SPATA6L: variants seen among roughly 807,000 people sequenced by gnomAD.
SPATA6L encodes spermatogenesis associated 6-like protein.
In SPATA6L, 68 loss-of-function variants were observed where a neutral mutation model predicts 49.2. That is an observed-to-expected ratio of 1.38 (90% CI 1.14 to 1.69). The LOEUF is 1.69. Among genes scored for constraint, SPATA6L ranks in the 40% most tolerant of loss-of-function variants. The pLI, the probability that SPATA6L is intolerant of heterozygous loss-of-function variation, is 0.00. For missense variants in SPATA6L, 668 were observed against 464.3 expected, an observed-to-expected ratio of 1.44 and a Z score of -4.03; for synonymous variants, 198 against 165.7, an observed-to-expected ratio of 1.19 and a Z score of -1.50.
At chr9:4,652,909 T>A (rs1185733999) in intron 3 of SPATA6L, among the ~76,000 whole-genome samples, 2 of 151,862 alleles carry the variant, frequency 1.3e-5, no homozygotes, top group Non-Finnish European at 2.9e-5. Flanking sequence ...CATCCCACAT[T>A]CATGTTTCAA....
chr9:4,610,727 A>G (rs1395167482), intron 9 of SPATA6L, among the ~76,000 whole-genome samples: 1 of 151,708 alleles, frequency 6.6e-6, no homozygotes, highest in East Asian at 1.9e-4. Flanking sequence ...CATTCAGGAC[A>G]TAGGCATGGG....
At chr9:4,611,840 T>G (rs1229413329) in intron 9 of SPATA6L, among the ~76,000 whole-genome samples, 2 of 152,116 alleles carry the variant, frequency 1.3e-5, no homozygotes, top group Admixed American at 6.5e-5. Context: ...AATTTTAATA[T>G]AAAATTTAAT....
chr9:4,628,487 C>T (rs1830774538), intron 5 of SPATA6L: 1 of 152,078 alleles, frequency 6.6e-6, no homozygotes, highest in African/African-American at 2.4e-5. Context: ...ACTCTTGTCA[C>T]CCAGGCTGGA....
chr9:4,629,168 C>A lies in SPATA6L; in HGVS notation c.352G>T (p.Gly118Cys). ...GAAAACTCTATTTTGGGAGCAATGC[C>A]CTATAAAACAGCATAAAAAAAGCAA... is the stretch of plus-strand genomic sequence containing the variant. ...VLMKTALGFP[G>C]IAPKIEFSTR... Residue 118 changes from glycine (G) to cysteine (C), a missense_variant and splice_region_variant, in exon 5 of 12, where the codon GGC becomes TGC. Physicochemically the swap from Gly to Cys is radical, Grantham distance 159. Coordinates refer to ENST00000682582, the MANE Select transcript of SPATA6L (RefSeq NM_001353486.2). 8.4e-6 allele frequency: 13 copies of A among 1,553,158 alleles called. No individual in the cohort carries two copies. Among genetic ancestry groups the A allele is most frequent in the Non-Finnish European group, 1.1e-5 (13 of 1,156,088 alleles).
Position 4,662,245 on chromosome 9 carries a change from G to A in SPATA6L, c.40-209C>T. 1 of 1,434,392 alleles carries A rather than the reference G, an allele frequency of 7.0e-7. No homozygotes were observed. Among genetic ancestry groups the A allele is most frequent in the South Asian group, 1.5e-5 (1 of 67,084 alleles). The allele number at this position is 1,434,392 out of a possible 1,614,324, so 88.9% of individuals were successfully genotyped here. ...ACTCCCTCCCACGTCTCCACCAGGTGTCACAATCGCGCTCTCGCCGGCTCC... is the reference window on the plus strand; with the variant it reads ...ACTCCCTCCCACGTCTCCACCAGGTATCACAATCGCGCTCTCGCCGGCTCC... On this transcript the variant is annotated intron_variant, in intron 1 of 11. Transcript: ENST00000682582. This position sits in a 1 kb window ranked among gnomAD's most constrained non-coding sequence, Gnocchi z 4.9.
In SPATA6L at chr9:4,601,024, T is replaced by C. The variant is rs573777784; in HGVS notation, c.*2-215A>G. The stretch of plus-strand genomic sequence containing the variant: ...ACCTTGGACAATTTACTTGACGTCT[T>C]TGTAAAATATCAGGATGATGACAGA... On this transcript the variant is annotated intron_variant, in intron 11 of 11. Coordinates refer to ENST00000682582, the MANE Select transcript of SPATA6L (RefSeq NM_001353486.2). Among the ~76,000 whole-genome samples the C allele has an allele frequency of 5.9e-5, 9 of 152,346 alleles. No individual in the cohort carries two copies. The East Asian group carries it at 1.5e-3, about 26-fold the overall frequency.
intron 9 of SPATA6L, among the ~76,000 whole-genome samples, chr9:4,616,138 A>G (rs1008371061): frequency 1.3e-4 from 20 of 152,228 alleles, no homozygotes; most frequent in African/African-American, 4.8e-4. Context: ...TTAGCCGGGC[A>G]TGCCGGTGCG....
At chr9:4,637,447 C>T (rs182484509) in intron 3 of SPATA6L, among the ~76,000 whole-genome samples, 316 of 152,278 alleles carry the variant, frequency 2.1e-3, no homozygotes, top group Non-Finnish European at 3.9e-3. Context: ...TGTATTTATT[C>T]GTGATCTGCT....
intron 3 of SPATA6L, among the ~76,000 whole-genome samples, chr9:4,645,381 T>C (rs921459504): frequency 2.0e-5 from 3 of 152,204 alleles, no homozygotes; most frequent in African/African-American, 7.2e-5. Flanking sequence ...AAGCTATTTA[T>C]TTCTTACAGT....
intron 2 of SPATA6L, among the ~76,000 whole-genome samples, chr9:4,660,654 C>T (rs955273199): frequency 6.6e-6 from 1 of 152,140 alleles, no homozygotes; most frequent in African/African-American, 2.4e-5. Context: ...CTAGAAATAC[C>T]ATTTGACCCA....
In SPATA6L at chr9:4,662,204, C is replaced by G. The variant is rs1839959636; in HGVS notation, c.40-168G>C. Reference sequence around the variant, plus strand: ...CCAACATCCTCCCCTCTGCTCTCCTCACATTGGAAATTCCAACTCCCTCCC... The same window carrying G: ...CCAACATCCTCCCCTCTGCTCTCCTGACATTGGAAATTCCAACTCCCTCCC... On this transcript the variant is annotated intron_variant, in intron 1 of 11. Coordinates refer to ENST00000682582, the MANE Select transcript of SPATA6L (RefSeq NM_001353486.2). This position sits in a 1 kb window ranked among gnomAD's most constrained non-coding sequence, Gnocchi z 4.9. 1 of 1,437,306 alleles carries G rather than the reference C, an allele frequency of 7.0e-7. No homozygotes were observed. Among genetic ancestry groups the G allele is most frequent in the Non-Finnish European group, 9.1e-7 (1 of 1,100,180 alleles). The allele number at this position is 1,437,306 out of a possible 1,614,324, so 89.0% of individuals were successfully genotyped here.
rs1830893263 is a variant in SPATA6L at position 4,629,012 on chromosome 9, C to A, written c.429+79G>T. On this transcript the variant is annotated intron_variant, in intron 5 of 11. Coordinates refer to ENST00000682582, the MANE Select transcript of SPATA6L (RefSeq NM_001353486.2). Reference sequence around the variant, plus strand: ...TTTAGTTTCATGTAAACTTAATAAACTGAGTTTGGGCAAAAATTCTTTAAA... The same window carrying A: ...TTTAGTTTCATGTAAACTTAATAAAATGAGTTTGGGCAAAAATTCTTTAAA... 3 of 972,098 alleles carry A rather than the reference C, an allele frequency of 3.1e-6. No individual in the cohort carries two copies. The Admixed American group carries it at 7.3e-5, about 24-fold the overall frequency. 60.2% of individuals were successfully genotyped at this position (972,098 alleles called of 1,614,324 possible).
intron 3 of SPATA6L, among the ~76,000 whole-genome samples, chr9:4,635,628 C>T (rs1214365291): frequency 6.6e-6 from 1 of 152,102 alleles, no homozygotes; most frequent in African/African-American, 2.4e-5. Context: ...AAGAGATGTT[C>T]TACAAAATAG....
intron 13 of SPATA6L, among the ~76,000 whole-genome samples, chr9:4,591,865 C>A (rs1821922391): frequency 6.6e-6 from 1 of 152,214 alleles, no homozygotes; most frequent in Admixed American, 6.5e-5. Context: ...CTACCCTATT[C>A]TTGGGCATCA....
intron 4 of SPATA6L, among the ~76,000 whole-genome samples, chr9:4,631,447 A>G (rs997259593): frequency 6.6e-6 from 1 of 152,060 alleles, no homozygotes; most frequent in Non-Finnish European, 1.5e-5. Flanking sequence ...AATAGATGAG[A>G]CAGTAATATT....
intron 3 of SPATA6L, among the ~76,000 whole-genome samples, chr9:4,647,765 G>A (rs776525345): frequency 1.3e-5 from 2 of 151,018 alleles, no homozygotes; most frequent in Non-Finnish European, 2.9e-5. Context: ...TTAGGTTGGT[G>A]CAATTATAAC....
At chr9:4,625,241 G>A in intron 6 of SPATA6L, 86 bp downstream of exon 6, 1 of 1,494,124 alleles carries the variant, frequency 6.7e-7, no homozygotes, top group Non-Finnish European at 8.9e-7. Context: ...TTATTCATTT[G>A]TTGTTATAAC....
intron 5 of SPATA6L, chr9:4,626,488 C>T (rs968748102): frequency 1.5e-6 from 2 of 1,304,264 alleles, no homozygotes; most frequent in African/African-American, 3.0e-5. Context: ...GGTCCCATTT[C>T]TGTTCAGTTT....
intron 1 of SPATA6L, 105 bp downstream of exon 1, chr9:4,666,107 G>GTGT: frequency 1.0e-6 from 1 of 971,772 alleles, no homozygotes; most frequent in Non-Finnish European, 1.7e-6. Context: ...AGATAATGAT[G>GTGT]TGTTTGTGGT....
Sources: gnomAD v4.1 joint callset for allele counts (sites outside exome capture counted in the v4.1 genomes callset) on GRCh38, gnomAD v4.1.1 for gene constraint, Gnocchi (gnomAD v3.1) non-coding constraint, MANE v1.5 for transcripts, NCBI Gene and HGNC (gene_info 2026-07-23, HGNC 2026-07-21) for gene names.